The following CCDC150 variants were observed in gnomAD, a reference collection of about 807,000 sequenced individuals.
CCDC150 encodes coiled-coil domain-containing protein 150.
A neutral mutation model predicts 156.5 loss-of-function variants in CCDC150; 151 were observed. That is an observed-to-expected ratio of 0.97 (90% CI 0.85 to 1.10). The LOEUF is 1.10. CCDC150 is among the 50% of genes least tolerant of loss of function. The probability of loss-of-function intolerance (pLI) is 0.00; values close to 1 mark genes in which losing one functional copy is unlikely to be tolerated. For synonymous variants in CCDC150, 452 were observed against 429.4 expected (o/e 1.05, Z -0.65); for missense variants, 1,312 against 1,268.1 (o/e 1.03, Z -0.53).
Position 196,732,598 on chromosome 2 carries a change from C to T in CCDC150, c.*36C>T, listed in dbSNP as rs1184247800. On this transcript the variant is annotated 3_prime_UTR_variant, in exon 28 of 28. Transcript: ENST00000389175. ...AAGGGAGCTTCTTTATGTGTAGCTA[C>T]ACTCCATGATTCCAAGAGCCCAGCA... The T allele has an allele frequency of 7.3e-6, 10 of 1,374,664 alleles. 1 individual carries two copies. In the East Asian group the frequency reaches 2.3e-4, roughly 31 times the overall value. 85.2% of individuals were successfully genotyped at this position (1,374,664 alleles called of 1,614,324 possible).
rs894761480 is a variant in CCDC150, at chr2:196,644,840, C to T, written c.13-1501C>T. ...AGAGTAAAAAGAAAAATAGGCTGGG[C>T]GTGATGGCTCATGCCTGTAATGCCA... On this transcript the variant is annotated intron_variant, in intron 1 of 27. Transcript: ENST00000389175. 2.0e-5 allele frequency among the ~76,000 whole-genome samples: 3 copies of T among 151,798 alleles called. No homozygotes were observed. The East Asian group carries it at 5.8e-4, about 29-fold the overall frequency.
intron 15 of CCDC150, among the ~76,000 whole-genome samples, chr2:196,702,661 C>T (rs540772204): frequency 6.6e-6 from 1 of 151,794 alleles, no homozygotes; most frequent in South Asian, 2.1e-4. Context: ...GACTTCAGTA[C>T]TTTTTAAAGC....
intron 14 of CCDC150, among the ~76,000 whole-genome samples, chr2:196,699,735 G>A (rs1236575833): frequency 6.6e-6 from 1 of 152,138 alleles, no homozygotes; most frequent in Non-Finnish European, 1.5e-5. Flanking sequence ...GACCAGACTG[G>A]TCTTGAATTC....
At chr2:196,670,633 A>G (rs1232797067) in intron 8 of CCDC150, among the ~76,000 whole-genome samples, 3 of 150,822 alleles carry the variant, frequency 2.0e-5, no homozygotes, top group Non-Finnish European at 4.4e-5. Context: ...AAATATCTTC[A>G]CTTATAACTT....
intron 17 of CCDC150, among the ~76,000 whole-genome samples, chr2:196,714,573 G>A (rs1442476491): frequency 6.6e-6 from 1 of 152,090 alleles, no homozygotes; most frequent in Non-Finnish European, 1.5e-5. Context: ...TTAGCTTCCC[G>A]GTCGCAAGAC....
chr2:196,711,654 C>T (rs1575927571), intron 15 of CCDC150, among the ~76,000 whole-genome samples: 1 of 151,958 alleles, frequency 6.6e-6, no homozygotes, highest in Non-Finnish European at 1.5e-5. Flanking sequence ...ATAAGAATTC[C>T]ATTTATTCAA....
At chr2:196,665,510 T>A in intron 5 of CCDC150, 57 bp from the exon 6 acceptor site, 1 of 1,000,644 alleles carries the variant, frequency 1.0e-6, no homozygotes, top group Non-Finnish European at 1.5e-6. Flanking sequence ...GTAACTTTGA[T>A]CTTTGTTAAA....
At chr2:196,713,592 C>T (rs1289929278) in intron 17 of CCDC150, 1 of 1,536,140 alleles carries the variant, frequency 6.5e-7, no homozygotes, top group Non-Finnish European at 8.8e-7. Context: ...GCTATTAAAA[C>T]CATGGAGGGA....
In CCDC150 at chr2:196,658,826, C is replaced by G. The variant is rs34638305; in HGVS notation, c.611C>G (p.Thr204Ser). Residue 204 changes from threonine (T) to serine (S), a missense_variant, in exon 5 of 28, where the codon ACC becomes AGC. Physicochemically the swap from Thr to Ser is moderately conservative, Grantham distance 58 (BLOSUM62 1). Transcript: ENST00000389175. ...GCCATTATTGAAGAGGAACTGAAGA[C>G]CACAAAACGTAAAATGAACCTTAAA... is the stretch of plus-strand genomic sequence containing the variant. Reference protein sequence around the residue: ...NAAIIEEELKTTKRKMNLKIQ... With the variant: ...NAAIIEEELKSTKRKMNLKIQ... The G allele has an allele frequency of 1.5e-4, 248 of 1,605,896 alleles. No individual in the cohort carries two copies. Among genetic ancestry groups the G allele is most frequent in the Non-Finnish European group, 1.4e-4 (163 of 1,176,026 alleles).
chr2:196,701,354 T>C (rs1446372225), intron 15 of CCDC150, among the ~76,000 whole-genome samples, 174 bp downstream of exon 15: 3 of 152,344 alleles, frequency 2.0e-5, no homozygotes, highest in African/African-American at 2.4e-5. Context: ...GTTTACATAC[T>C]GTAGTTGCTG....
intron 9 of CCDC150, 121 bp downstream of exon 9, chr2:196,672,558 A>G (rs1003381995): frequency 2.0e-6 from 1 of 500,132 alleles, no homozygotes; most frequent in African/African-American, 2.0e-5. Context: ...CCAACTTTTC[A>G]TTTCCATAAG....
At chr2:196,727,700 T>G (rs1046949673) in intron 22 of CCDC150, 1 of 152,034 alleles carries the variant, frequency 6.6e-6, no homozygotes, top group Admixed American at 6.5e-5. Context: ...AAATGTACCT[T>G]TAGTCGGAGA....
rs75438706 is a variant in CCDC150, at chr2:196,681,481, T to A, written c.1509+4120T>A. On this transcript the variant is annotated intron_variant, in intron 13 of 27. Transcript: ENST00000389175. Reference sequence around the variant, plus strand: ...TTCAGTACCTCTTTTCAATTCTTTGTGATATATATATCTAACAGTGGAATT... The same window carrying A: ...TTCAGTACCTCTTTTCAATTCTTTGAGATATATATATCTAACAGTGGAATT... 6.1e-3 allele frequency among the ~76,000 whole-genome samples: 921 copies of A among 152,206 alleles called. 5 individuals are homozygous for A. Among genetic ancestry groups the A allele is most frequent in the African/African-American group, 0.021 (868 of 41,464 alleles).
At chr2:196,678,659 T>C (rs1439469767) in intron 13 of CCDC150, among the ~76,000 whole-genome samples, 1 of 152,108 alleles carries the variant, frequency 6.6e-6, no homozygotes, top group African/African-American at 2.4e-5. Context: ...TCCCAGCACG[T>C]TGGGAGGCTG....
chr2:196,705,165 C>T (rs539532039), intron 15 of CCDC150, among the ~76,000 whole-genome samples: 1 of 152,306 alleles, frequency 6.6e-6, no homozygotes, highest in African/African-American at 2.4e-5. Flanking sequence ...TTTACACTTC[C>T]ACCAACAGTG....
intron 2 of CCDC150, among the ~76,000 whole-genome samples, chr2:196,651,073 C>T (rs1692844495): frequency 6.6e-6 from 1 of 152,122 alleles, no homozygotes; most frequent in Admixed American, 6.5e-5. Flanking sequence ...AATGTGTTCT[C>T]ATTTTGCTGT....
chr2:196,653,249 T>G (rs1692986037), intron 2 of CCDC150, among the ~76,000 whole-genome samples: 1 of 152,262 alleles, frequency 6.6e-6, no homozygotes, highest in South Asian at 2.1e-4. Context: ...ATGGCTAGGC[T>G]GTAAATTTTC....
At chr2:196,707,928 A>T (rs975747442) in intron 15 of CCDC150, among the ~76,000 whole-genome samples, 1 of 152,144 alleles carries the variant, frequency 6.6e-6, no homozygotes, top group African/African-American at 2.4e-5. Flanking sequence ...ACTTCCAACT[A>T]TATGGTCAAT....
chr2:196,692,175 C>T (rs1204510355), intron 13 of CCDC150, among the ~76,000 whole-genome samples: 7 of 139,508 alleles, frequency 5.0e-5, no homozygotes, highest in African/African-American at 1.9e-4. Context: ...TCGCCCAGGC[C>T]GGACTGCGGA....
Sources: allele counts gnomAD v4.1 joint callset (sites outside exome capture counted in the v4.1 genomes callset), GRCh38; gene constraint gnomAD v4.1.1; transcripts MANE v1.5; gene names NCBI Gene and HGNC (gene_info 2026-07-23, HGNC 2026-07-21).